The following RFX8 variants were observed in gnomAD, a reference collection of about 807,000 sequenced individuals.
RFX8 encodes regulatory factor X8.
A neutral mutation model predicts 54.6 loss-of-function variants in RFX8; 46 were observed. The ratio of observed to expected loss-of-function variants is 0.84; its 90% CI spans 0.67 to 1.08. The LOEUF is 1.08. Ranked by LOEUF, RFX8 falls within the 50% of genes least tolerant of loss-of-function variation. RFX8 has a pLI of 0.00. For synonymous variants in RFX8, 192 were observed against 209.5 expected, an observed-to-expected ratio of 0.92 and a Z score of 0.72; for missense variants, 536 against 562.3, an observed-to-expected ratio of 0.95 and a Z score of 0.47.
intron 2 of RFX8, among the ~76,000 whole-genome samples, chr2:101,452,886 C>G (rs898956556): frequency 3.3e-5 from 5 of 152,042 alleles, no homozygotes; most frequent in Admixed American, 1.3e-4. Flanking sequence ...GCAGGCGAAT[C>G]ATGAGGTCAA....
intron 2 of RFX8, among the ~76,000 whole-genome samples, chr2:101,463,302 A>G (rs11904250): frequency 0.34 from 52,320 of 151,874 alleles, 9,627 homozygotes; most frequent in African/African-American, 0.44. Context: ...GGGGCTTTCC[A>G]GCTTTAAGAC....
chr2:101,441,112 G>A (rs1044595600), intron 2 of RFX8, among the ~76,000 whole-genome samples: 3 of 152,094 alleles, frequency 2.0e-5, no homozygotes, highest in East Asian at 1.9e-4. Context: ...GACTACAGGC[G>A]CCCGCCACCA....
chr2:101,443,063 T>C (rs967414495), intron 2 of RFX8, among the ~76,000 whole-genome samples: 3 of 152,152 alleles, frequency 2.0e-5, no homozygotes, highest in African/African-American at 7.2e-5. Flanking sequence ...TGCCTGATAT[T>C]ATTAGAGCAA....
chr2:101,452,748 G>A (rs987022315), intron 2 of RFX8, among the ~76,000 whole-genome samples: 1 of 151,742 alleles, frequency 6.6e-6, no homozygotes, highest in African/African-American at 2.4e-5. Context: ...AATCACTTGA[G>A]GTCAGGAGTT....
chr2:101,420,556 A>G (rs1055595780), intron 4 of RFX8, among the ~76,000 whole-genome samples: 5 of 152,004 alleles, frequency 3.3e-5, no homozygotes, highest in Non-Finnish European at 1.5e-5. Context: ...CACACACACA[A>G]AAAAGAAAAC....
chr2:101,460,379 G>A (rs1689201356), intron 2 of RFX8, among the ~76,000 whole-genome samples: 1 of 152,134 alleles, frequency 6.6e-6, no homozygotes, highest in South Asian at 2.1e-4. Flanking sequence ...CATCTTGGAA[G>A]CCAGACCCCA....
intron 2 of RFX8, among the ~76,000 whole-genome samples, chr2:101,447,817 A>G (rs1453311631): frequency 6.6e-6 from 1 of 152,180 alleles, no homozygotes; most frequent in Non-Finnish European, 1.5e-5. Context: ...TGCCTCCACA[A>G]GATAAACTTA....
rs1309869023 is a variant in RFX8 at position 101,400,244 on chromosome 2, G to T, written c.1245+2192C>A. ...ACATTCTCCGCTTGGCTGAACTTTA[G>T]TCTGGCTCCTGAACCTTCTCCTTCG... On this transcript the variant is annotated intron_variant, in intron 11 of 11. Transcript: ENST00000428343. Among the ~76,000 whole-genome samples, 5 of 152,312 alleles carry T rather than the reference G, an allele frequency of 3.3e-5. No homozygotes were observed. The East Asian group carries it at 9.6e-4, about 29-fold the overall frequency.
At chr2:101,461,279 A>G (rs6752319) in intron 2 of RFX8, among the ~76,000 whole-genome samples, 248 of 124,816 alleles carry the variant, frequency 2.0e-3, no homozygotes, top group African/African-American at 6.2e-3. Context: ...AAAAAAAAAA[A>G]AAAGAAAGAA....
intron 9 of RFX8, among the ~76,000 whole-genome samples, chr2:101,409,789 C>A (rs542274940): frequency 6.6e-6 from 1 of 152,146 alleles, no homozygotes; most frequent in African/African-American, 2.4e-5. Flanking sequence ...CATGAGCCAC[C>A]GTGCCTGGCC....
chr2:101,436,397 C>G (rs996351875), intron 2 of RFX8, among the ~76,000 whole-genome samples: 8 of 152,056 alleles, frequency 5.3e-5, no homozygotes, highest in African/African-American at 1.4e-4. Flanking sequence ...AATTGAGATG[C>G]CCTTGAACAG....
chr2:101,462,081 T>A (rs1689314212), intron 2 of RFX8, among the ~76,000 whole-genome samples: 1 of 152,178 alleles, frequency 6.6e-6, no homozygotes. Flanking sequence ...GGATGGGGAC[T>A]TATGGTGTTT....
At chr2:101,464,531 A>G (rs1204584435) in intron 2 of RFX8, among the ~76,000 whole-genome samples, 1 of 152,166 alleles carries the variant, frequency 6.6e-6, no homozygotes, top group African/African-American at 2.4e-5. Context: ...TTGTAAACAT[A>G]CGTTGGGATC....
chr2:101,407,864 T>C (rs1448577521), intron 9 of RFX8, among the ~76,000 whole-genome samples: 1 of 152,102 alleles, frequency 6.6e-6, no homozygotes. Flanking sequence ...ACGTAGAAGC[T>C]CCTCCAGGGC....
Position 101,469,086 on chromosome 2 carries a change from ATATATAAG to A in RFX8, c.-52-2194_-52-2187del, listed in dbSNP as rs1387509448. Reference sequence around the variant, plus strand: ...TATATGTATATATATATAAGTGTATATATATAAGTATATATATATAAGTGTATATATAT... The same window carrying A: ...TATATGTATATATATATAAGTGTATATATATATATATAAGTGTATATATAT... On this transcript the variant is annotated intron_variant, in intron 1 of 11. Coordinates refer to ENST00000428343, the MANE Select transcript of RFX8 (RefSeq NM_001145664.2). Among the ~76,000 whole-genome samples, 31 of 49,174 alleles carry A rather than the reference ATATATAAG, an allele frequency of 6.3e-4. 1 individual carries two copies. The highest frequency in any genetic ancestry group is 4.1e-3 in the East Asian group (9 of 2,172). The allele number at this position is 49,174 out of a possible 152,430, so 32.3% of individuals were successfully genotyped here.
chr2:101,469,065 TGTATATATATATAAGTGTATATATATAA>T (rs1281489117), intron 1 of RFX8, among the ~76,000 whole-genome samples: 1,974 of 24,776 alleles, frequency 0.08, 141 homozygotes, highest in African/African-American at 0.26. Flanking sequence ...CGTATATATA[TGTATATATATATAAGTGTATATATATAA>T]GTATATATAT....
intron 1 of RFX8, among the ~76,000 whole-genome samples, chr2:101,469,114 A>G (rs1171385659): frequency 8.1e-6 from 1 of 123,020 alleles, no homozygotes; most frequent in South Asian, 2.4e-4. Flanking sequence ...ATAAGTGTAT[A>G]TATATATAAG....
chr2:101,402,405 G>C (rs1231243646), intron 11 of RFX8, 31 bp downstream of exon 11: 5 of 1,496,116 alleles, frequency 3.3e-6, no homozygotes, highest in Non-Finnish European at 3.6e-6. Context: ...CCTTGAAACA[G>C]CTGTGTGGAA....
Position 101,397,630 on chromosome 2 carries a change from C to G in RFX8, c.1340G>C (p.Gly447Ala), listed in dbSNP as rs759859895. 11 of 1,551,174 alleles carry G rather than the reference C, an allele frequency of 7.1e-6. No homozygotes were observed. The African/African-American group carries it at 1.2e-4, about 17-fold the overall frequency. ...GQEALITLKD[G>A]QQFVIQISDV... is the part of the protein sequence containing the mutation. Reference sequence around the variant, plus strand: ...TGATATCTGAATCACAAATTGTTGTCCATCTTTTAGGGTTATGAGGGCTTC... The same window carrying G: ...TGATATCTGAATCACAAATTGTTGTGCATCTTTTAGGGTTATGAGGGCTTC... Residue 447 changes from glycine to alanine, a missense_variant, in exon 12 of 12, where the codon GGA becomes GCA. By Grantham distance (60) the Gly-to-Ala change is moderately conservative. Transcript: ENST00000428343.
Sources: allele counts gnomAD v4.1 joint callset (sites outside exome capture counted in the v4.1 genomes callset), GRCh38; gene constraint gnomAD v4.1.1; transcripts MANE v1.5; gene names NCBI Gene and HGNC (gene_info 2026-07-23, HGNC 2026-07-21).